The following POLR3B variants were observed in gnomAD, a reference collection of about 807,000 sequenced individuals.
The protein encoded by POLR3B is RNA polymerase III subunit B.
A neutral mutation model predicts 147.4 loss-of-function variants in POLR3B; 96 were observed. The observed-to-expected ratio is 0.65, with a 90% CI of 0.55 to 0.77. The LOEUF is 0.77. POLR3B is among the 30% of genes least tolerant of loss of function. POLR3B has a pLI of 0.00. For missense variants in POLR3B, 1,036 were observed against 1,413.5 expected, an observed-to-expected ratio of 0.73 and a Z score of 4.28; for synonymous variants, 461 against 485.9, an observed-to-expected ratio of 0.95 and a Z score of 0.67.
At chr12:106,474,630 T>C (rs1316333836) in intron 23 of POLR3B, among the ~76,000 whole-genome samples, 1 of 148,012 alleles carries the variant, frequency 6.8e-6, no homozygotes, top group Non-Finnish European at 1.5e-5. Context: ...CCATTTCTTC[T>C]AGATTTTCTA....
At chr12:106,368,948 CT>C (rs1363670865) in intron 4 of POLR3B, among the ~76,000 whole-genome samples, 1 of 151,576 alleles carries the variant, frequency 6.6e-6, no homozygotes, top group African/African-American at 2.4e-5. Context: ...ATGGCCTCTT[CT>C]TTCTTTTGCA....
At chr12:106,374,858 T>C (rs961881867) in intron 6 of POLR3B, among the ~76,000 whole-genome samples, 3 of 152,170 alleles carry the variant, frequency 2.0e-5, no homozygotes, top group Non-Finnish European at 4.4e-5. Flanking sequence ...AAATTGTTAT[T>C]GTCTTATGAA....
intron 6 of POLR3B, 54 bp from the exon 7 acceptor site, chr12:106,376,305 C>A: frequency 1.6e-6 from 2 of 1,254,906 alleles, no homozygotes; most frequent in Non-Finnish European, 2.3e-6. Flanking sequence ...TTTTTTGCAG[C>A]TTTTATCATT....
chr12:106,479,162 A>G (rs1034437631), intron 23 of POLR3B, among the ~76,000 whole-genome samples: 2 of 151,954 alleles, frequency 1.3e-5, no homozygotes, highest in Non-Finnish European at 2.9e-5. Flanking sequence ...ATATTTATTT[A>G]GTTAATAATT....
chr12:106,426,305 G>A (rs2037435087), intron 12 of POLR3B, among the ~76,000 whole-genome samples: 2 of 151,496 alleles, frequency 1.3e-5, no homozygotes, highest in Non-Finnish European at 2.9e-5. Context: ...AGGCTGGAGT[G>A]TAGTGGCGCA....
chr12:106,376,818 A>G (rs565338168), intron 7 of POLR3B, among the ~76,000 whole-genome samples: 27 of 152,156 alleles, frequency 1.8e-4, no homozygotes, highest in East Asian at 3.9e-4. Flanking sequence ...GTGTTTTGCT[A>G]TGTCATCCTG....
At chr12:106,482,150 C>A (rs916601601) in intron 23 of POLR3B, among the ~76,000 whole-genome samples, 1 of 152,174 alleles carries the variant, frequency 6.6e-6, no homozygotes, top group Non-Finnish European at 1.5e-5. Flanking sequence ...TGGTCCTCTT[C>A]TTGAATGTCA....
chr12:106,484,157 CAG>C (rs1014465328), intron 23 of POLR3B, among the ~76,000 whole-genome samples: 19 of 152,162 alleles, frequency 1.2e-4, no homozygotes, highest in Admixed American at 2.6e-4. Context: ...GAAAGAAAAA[CAG>C]GGGGCAGCAG....
intron 21 of POLR3B, 124 bp downstream of exon 21, chr12:106,457,420 C>A: frequency 1.3e-6 from 1 of 744,156 alleles, no homozygotes; most frequent in Admixed American, 2.3e-5. Context: ...ACCATCCAAA[C>A]TCAACCAATG....
At chr12:106,377,510 T>TG (rs2136898651) in intron 7 of POLR3B, among the ~76,000 whole-genome samples, 1 of 152,380 alleles carries the variant, frequency 6.6e-6, no homozygotes, top group African/African-American at 2.4e-5. Flanking sequence ...TACATGATGA[T>TG]GCATGAGTTT....
chr12:106,396,825 G>A (rs1409461027), intron 10 of POLR3B, among the ~76,000 whole-genome samples: 1 of 151,996 alleles, frequency 6.6e-6, no homozygotes, highest in Non-Finnish European at 1.5e-5. Flanking sequence ...GGCATAGTAG[G>A]TCACACCTGT....
intron 9 of POLR3B, among the ~76,000 whole-genome samples, chr12:106,390,126 G>A (rs963153135): frequency 5.3e-5 from 8 of 151,552 alleles, no homozygotes; most frequent in African/African-American, 1.9e-4. Context: ...GCCGAGGCAA[G>A]AGAATCACTT....
At chr12:106,487,252 G>C (rs1205241453) in intron 23 of POLR3B, among the ~76,000 whole-genome samples, 1 of 152,224 alleles carries the variant, frequency 6.6e-6, no homozygotes, top group East Asian at 1.9e-4. Context: ...CACGATTCCT[G>C]CAGAGGTTTG....
intron 16 of POLR3B, among the ~76,000 whole-genome samples, chr12:106,436,722 C>T (rs1170195185): frequency 6.6e-6 from 1 of 152,092 alleles, no homozygotes; most frequent in African/African-American, 2.4e-5. Context: ...GGTTTTGTTT[C>T]CTTTTCAGAC....
intron 23 of POLR3B, among the ~76,000 whole-genome samples, chr12:106,478,814 A>G (rs549180158): frequency 1.3e-5 from 2 of 152,320 alleles, no homozygotes; most frequent in East Asian, 1.9e-4. Context: ...AAAAACCATC[A>G]GTCCTTGTCT....
chr12:106,444,025 G>A (rs2037689955), intron 18 of POLR3B, among the ~76,000 whole-genome samples: 1 of 151,010 alleles, frequency 6.6e-6, no homozygotes, highest in Non-Finnish European at 1.5e-5. Flanking sequence ...GTTTCACCAT[G>A]TTGGCCAGGA....
chr12:106,480,359 A>G (rs2038248850), intron 23 of POLR3B, among the ~76,000 whole-genome samples: 1 of 152,130 alleles, frequency 6.6e-6, no homozygotes, highest in Non-Finnish European at 1.5e-5. Context: ...CAGGTAGTGA[A>G]CTACTTTATT....
chr12:106,488,102 A>G (rs557512176), intron 23 of POLR3B, among the ~76,000 whole-genome samples: 15 of 152,246 alleles, frequency 9.9e-5, no homozygotes, highest in Non-Finnish European at 2.1e-4. Flanking sequence ...CACAATTAAC[A>G]TAGACTACTG....
intron 2 of POLR3B, among the ~76,000 whole-genome samples, chr12:106,364,607 T>TC (rs1411218937): frequency 6.6e-6 from 1 of 152,138 alleles, no homozygotes; most frequent in Non-Finnish European, 1.5e-5. Context: ...TAGATATCTG[T>TC]CCAAGAGACA....
Sources: allele counts gnomAD v4.1 joint callset (sites outside exome capture counted in the v4.1 genomes callset), GRCh38; gene constraint gnomAD v4.1.1; transcripts MANE v1.5; gene names NCBI Gene and HGNC (gene_info 2026-07-23, HGNC 2026-07-21).